The following CTNNBIP1 variants were observed in gnomAD, a reference collection of about 807,000 sequenced individuals.
The protein encoded by CTNNBIP1 is beta-catenin-interacting protein 1.
A neutral mutation model predicts 11.8 loss-of-function variants in CTNNBIP1; 7 were observed. That is an observed-to-expected ratio of 0.60 (90% CI 0.34 to 1.12). The LOEUF (loss-of-function observed/expected upper bound fraction) is 1.12. Among genes scored for constraint, CTNNBIP1 ranks in the 50% most tolerant of loss-of-function variants. The pLI is 0.03. For synonymous variants in CTNNBIP1, 58 were observed against 43.9 expected, an observed-to-expected ratio of 1.32 and a Z score of -1.26; for missense variants, 101 against 113.4, an observed-to-expected ratio of 0.89 and a Z score of 0.50.
chr1:9,889,434 TA>T (rs2101523809), intron 1 of CTNNBIP1, among the ~76,000 whole-genome samples: 1 of 152,212 alleles, frequency 6.6e-6, no homozygotes, highest in Admixed American at 6.5e-5. Context: ...GAAGCCCTAC[TA>T]GGGGGCCATC....
At chr1:9,875,017 G>T (rs1638935923) in intron 3 of CTNNBIP1, among the ~76,000 whole-genome samples, 1 of 152,166 alleles carries the variant, frequency 6.6e-6, no homozygotes, top group African/African-American at 2.4e-5. Context: ...CCTGGTGAGA[G>T]ACAGGGTGAA....
chr1:9,864,121 G>A (rs931005838), intron 5 of CTNNBIP1, among the ~76,000 whole-genome samples: 3 of 152,212 alleles, frequency 2.0e-5, no homozygotes, highest in Non-Finnish European at 4.4e-5. Context: ...TCCCTGGAAA[G>A]TGTCTTGGAG....
intron 1 of CTNNBIP1, among the ~76,000 whole-genome samples, chr1:9,904,457 G>A (rs72858066): frequency 0.012 from 1,839 of 152,238 alleles, 34 homozygotes; most frequent in African/African-American, 0.042. Context: ...GCTCTGCTGA[G>A]TTACCCAACT....
intron 1 of CTNNBIP1, among the ~76,000 whole-genome samples, chr1:9,894,049 G>T (rs1352602443): frequency 6.6e-6 from 1 of 151,330 alleles, no homozygotes; most frequent in Non-Finnish European, 1.5e-5. Flanking sequence ...GAACAAAGTT[G>T]TTTTTTTTTC....
chr1:9,901,253 G>A (rs1557767539), intron 1 of CTNNBIP1, among the ~76,000 whole-genome samples: 3 of 152,316 alleles, frequency 2.0e-5, no homozygotes, highest in African/African-American at 7.2e-5. Flanking sequence ...TGCAAGTCAG[G>A]GTCAGGATGG....
rs754593503 is a variant in CTNNBIP1 at position 9,899,455 on chromosome 1, CAA to C, written c.-144+10638_-144+10639del. Among the ~76,000 whole-genome samples, 162 of 65,674 alleles carry C rather than the reference CAA, an allele frequency of 2.5e-3. 1 individual carries two copies. Among genetic ancestry groups the C allele is most frequent in the African/African-American group, 6.3e-3 (148 of 23,582 alleles). The allele number at this position is 65,674 out of a possible 152,430, so 43.1% of individuals were successfully genotyped here. On this transcript the variant is annotated intron_variant, in intron 1 of 5. Coordinates refer to ENST00000377263, the MANE Select transcript of CTNNBIP1 (RefSeq NM_020248.3). Reference sequence around the variant, plus strand: ...TGGGCGACAGAACAAGACTCCATCTCAAAAAAAAAAAAAAAAAAAAAAATGAC... The same window carrying C: ...TGGGCGACAGAACAAGACTCCATCTCAAAAAAAAAAAAAAAAAAAAATGAC...
intron 1 of CTNNBIP1, among the ~76,000 whole-genome samples, chr1:9,895,937 A>T (rs887388065): frequency 6.6e-6 from 1 of 152,124 alleles, no homozygotes; most frequent in African/African-American, 2.4e-5. Flanking sequence ...CTTCCCAAGG[A>T]ATTTAATATT....
chr1:9,893,531 C>G (rs1182974310), intron 1 of CTNNBIP1, among the ~76,000 whole-genome samples: 1 of 152,046 alleles, frequency 6.6e-6, no homozygotes, highest in Non-Finnish European at 1.5e-5. Context: ...AAATGAAACC[C>G]AGGAGTCTTT....
chr1:9,862,917 A>G (rs1638663103), intron 5 of CTNNBIP1, among the ~76,000 whole-genome samples: 1 of 152,196 alleles, frequency 6.6e-6, no homozygotes, highest in African/African-American at 2.4e-5. Context: ...GCAGCCCTCA[A>G]TGCCCCTCTC....
At chr1:9,898,296 T>C (rs1016221333) in intron 1 of CTNNBIP1, among the ~76,000 whole-genome samples, 6 of 151,882 alleles carry the variant, frequency 4.0e-5, no homozygotes, top group East Asian at 1.9e-4. Context: ...GAGGCCAAGG[T>C]GGGCGCATCA....
At chr1:9,902,606 A>G (rs1371878552) in intron 1 of CTNNBIP1, among the ~76,000 whole-genome samples, 1 of 152,174 alleles carries the variant, frequency 6.6e-6, no homozygotes, top group East Asian at 1.9e-4. Context: ...CAGGGCAGGT[A>G]GCCACTGGGG....
chr1:9,852,059 G>A (rs578243457), intron 5 of CTNNBIP1, among the ~76,000 whole-genome samples: 4 of 152,286 alleles, frequency 2.6e-5, no homozygotes, highest in Middle Eastern at 3.4e-3. Flanking sequence ...GGGTGGATCG[G>A]AATAGGAGAG....
rs140734879 is a variant in CTNNBIP1, at chr1:9,863,114, G to C, written c.187+8073C>G. On this transcript the variant is annotated intron_variant, in intron 5 of 5. Transcript: ENST00000377263. ...CTGAGTAAGCAGCTGGGGTCAAAGC[G>C]ACCCTCCCTGGAGCCGCAGCCAGGT... is the stretch of plus-strand genomic sequence containing the variant. Among the ~76,000 whole-genome samples the C allele has an allele frequency of 3.6e-3, 549 of 152,078 alleles. 3 individuals are homozygous for C. Among genetic ancestry groups the C allele is most frequent in the African/African-American group, 0.013 (530 of 41,480 alleles).
At chr1:9,852,174 C>T (rs1210340818) in intron 5 of CTNNBIP1, among the ~76,000 whole-genome samples, 2 of 152,122 alleles carry the variant, frequency 1.3e-5, no homozygotes, top group Non-Finnish European at 1.5e-5. Context: ...CTCAGTGAGC[C>T]GGGTCTCCCC....
At chr1:9,899,981 G>A (rs1639490610) in intron 1 of CTNNBIP1, among the ~76,000 whole-genome samples, 1 of 150,740 alleles carries the variant, frequency 6.6e-6, no homozygotes, top group Admixed American at 6.6e-5. Context: ...GGCTGAGGCA[G>A]GAGAATCCCT....
At chr1:9,876,479 G>A (rs1032274168) in intron 3 of CTNNBIP1, among the ~76,000 whole-genome samples, 1 of 152,060 alleles carries the variant, frequency 6.6e-6, no homozygotes, top group African/African-American at 2.4e-5. Flanking sequence ...TTAGCTGGGC[G>A]AGGTGGCAGA....
At chr1:9,891,646 C>T (rs987684580) in intron 1 of CTNNBIP1, among the ~76,000 whole-genome samples, 6 of 152,084 alleles carry the variant, frequency 3.9e-5, no homozygotes, top group East Asian at 1.9e-4. Flanking sequence ...TCAAACTCTT[C>T]GGAAAATAAG....
intron 1 of CTNNBIP1, among the ~76,000 whole-genome samples, chr1:9,886,494 C>G (rs1425424305): frequency 6.6e-6 from 1 of 152,264 alleles, no homozygotes; most frequent in Non-Finnish European, 1.5e-5. Flanking sequence ...CTCTGGCTTA[C>G]TCTGTGCCTT....
intron 1 of CTNNBIP1, among the ~76,000 whole-genome samples, chr1:9,884,261 C>G (rs1639139704): frequency 6.6e-6 from 1 of 152,130 alleles, no homozygotes; most frequent in African/African-American, 2.4e-5. Context: ...CAGCCCACAG[C>G]AGGGAGGGAG....
Sources: allele counts gnomAD v4.1 joint callset (sites outside exome capture counted in the v4.1 genomes callset), GRCh38; gene constraint gnomAD v4.1.1; transcripts MANE v1.5; gene names NCBI Gene and HGNC (gene_info 2026-07-23, HGNC 2026-07-21).